Variants in DIP2C observed in about 807,000 individuals in gnomAD.
DIP2C encodes disco-interacting protein 2 homolog C.
DIP2C carries 33 observed loss-of-function variants against 192.4 expected under a neutral mutation model. That is an observed-to-expected ratio of 0.17 (90% CI 0.13 to 0.23). The LOEUF is 0.23. Among genes scored for constraint, DIP2C ranks in the 10% least tolerant of loss-of-function variants. The pLI, the probability that DIP2C is intolerant of heterozygous loss-of-function variation, is 1.00. For missense variants in DIP2C, 1,537 were observed against 2,110.1 expected, an observed-to-expected ratio of 0.73 and a Z score of 5.32; for synonymous variants, 979 against 864.1, an observed-to-expected ratio of 1.13 and a Z score of -2.33.
chr10:623,842 A>G (rs1854031944), intron 1 of DIP2C, among the ~76,000 whole-genome samples: 1 of 152,164 alleles, frequency 6.6e-6, no homozygotes, highest in Non-Finnish European at 1.5e-5. Context: ...CCATGCCCCT[A>G]TGAATGCTGC....
At chr10:405,764 A>G (rs986594207) in intron 9 of DIP2C, among the ~76,000 whole-genome samples, 7 of 152,160 alleles carry the variant, frequency 4.6e-5, no homozygotes, top group Non-Finnish European at 8.8e-5. Context: ...GGAGACGCAC[A>G]CTCAACTCTT....
rs138721286 is a variant in DIP2C, at chr10:673,348, C to A, written c.85+16146G>T. Among the ~76,000 whole-genome samples the A allele has an allele frequency of 1.8e-3, 272 of 152,314 alleles. 1 individual carries two copies. Among genetic ancestry groups the A allele is most frequent in the Middle Eastern group, 3.4e-3 (1 of 294 alleles). ...CTGTACAAAGAGAGCAATGCTGTCT[C>A]CTGGGAAAGCATTTCAGAAGGACGA... On this transcript the variant is annotated intron_variant, in intron 1 of 36. Transcript: ENST00000280886.
chr10:485,890 G>T lies in DIP2C; in HGVS notation c.157+569C>A, dbSNP rs375023052. 1.0e-3 allele frequency among the ~76,000 whole-genome samples: 152 copies of T among 152,330 alleles called. 1 individual carries two copies. Among genetic ancestry groups the T allele is most frequent in the African/African-American group, 3.4e-3 (143 of 41,570 alleles). ...GTGCTAGAATCCCCATCTAATATGA[G>T]ATTCTTTTTCCTGACATTTACAGAA... On this transcript the variant is annotated intron_variant, in intron 2 of 36. Coordinates refer to ENST00000280886, the MANE Select transcript of DIP2C (RefSeq NM_014974.3).
At chr10:344,070 A>G (rs1564586691) in intron 28 of DIP2C, among the ~76,000 whole-genome samples, 1 of 152,166 alleles carries the variant, frequency 6.6e-6, no homozygotes, top group Non-Finnish European at 1.5e-5. Flanking sequence ...GGTCTACTCT[A>G]CGTCAGACGC....
At chr10:344,722 A>G (rs1429812582) in intron 28 of DIP2C, 87 bp downstream of exon 28, 3 of 1,080,598 alleles carry the variant, frequency 2.8e-6, no homozygotes, top group African/African-American at 3.1e-5. Context: ...ACTACACGAG[A>G]GGCGCTGAGA....
rs147453996 is a variant in DIP2C at position 326,994 on chromosome 10, G to A, written c.3924+12C>T. ...ACTTCCCACTCAGCACTGTGATGTC[G>A]CCGAATCTCACCTGCAAGCAAATCG... On this transcript the variant is annotated intron_variant, in intron 31 of 36. Coordinates refer to ENST00000280886, the MANE Select transcript of DIP2C (RefSeq NM_014974.3). 774 of 1,606,558 alleles carry A rather than the reference G, an allele frequency of 4.8e-4. 5 individuals carry two copies. In the African/African-American group the frequency reaches 9.0e-3, roughly 19 times the overall value.
chr10:617,042 A>C (rs912786352), intron 1 of DIP2C, among the ~76,000 whole-genome samples: 5 of 152,182 alleles, frequency 3.3e-5, no homozygotes, highest in African/African-American at 9.7e-5. Flanking sequence ...CACATGGCTA[A>C]GGGCCAAGGT....
rs1385250590 is a variant in DIP2C, at chr10:652,055, A to G, written c.85+37439T>C. 3.1e-5 allele frequency: 5 copies of G among 158,880 alleles called. No individual in the cohort carries two copies. The highest frequency in any genetic ancestry group is 3.1e-4 in the Admixed American group (5 of 16,196). 9.8% of individuals were successfully genotyped at this position (158,880 alleles called of 1,614,324 possible). A position where few individuals can be genotyped will look rare whatever the true frequency, so the allele number is the denominator to read the frequency against. ...TGAGTTTGGTTGAAAAAATTCACAT[A>G]TAAGTTGACCCACAAAGCTCAAGCT... On this transcript the variant is annotated intron_variant, in intron 1 of 36. Coordinates refer to ENST00000280886, the MANE Select transcript of DIP2C (RefSeq NM_014974.3). This position sits in a 1 kb window ranked among gnomAD's most constrained non-coding sequence, Gnocchi z 4.5.
At chr10:601,497 T>C (rs1201027605) in intron 1 of DIP2C, among the ~76,000 whole-genome samples, 1 of 152,218 alleles carries the variant, frequency 6.6e-6, no homozygotes, top group Non-Finnish European at 1.5e-5. Context: ...ATTTCAATTC[T>C]ACCTGAAGCT....
intron 1 of DIP2C, among the ~76,000 whole-genome samples, chr10:501,765 G>A (rs116855127): frequency 1.2e-3 from 182 of 152,196 alleles, no homozygotes; most frequent in Non-Finnish European, 1.8e-3. Context: ...AGGAATATGC[G>A]TTACACACCG....
chr10:329,601 A>G lies in DIP2C; in HGVS notation c.3585T>C (p.Ser1195=). The G allele has an allele frequency of 6.2e-7, 1 of 1,613,694 alleles. No individual in the cohort carries two copies. Among genetic ancestry groups the G allele is most frequent in the Non-Finnish European group, 8.5e-7 (1 of 1,179,818 alleles). Residue 1195 remains serine, a splice_region_variant and synonymous_variant, in exon 30 of 37, where the codon AGT becomes AGC. Transcript: ENST00000280886. ...GLGFVLWCLC[S]VYSGHQSILI... is the part of the protein sequence containing the mutation. ...GGATGGACTGGTGCCCAGAATACAC[A>G]CTGCAGAGAAAGAAGAGGCTGTCAG...
chr10:355,973 C>T (rs1029575998), intron 24 of DIP2C, among the ~76,000 whole-genome samples: 5 of 152,070 alleles, frequency 3.3e-5, no homozygotes, highest in African/African-American at 9.7e-5. Flanking sequence ...CCCAGCTACC[C>T]GGAGGCTGAT....
At chr10:640,214 G>A (rs893325784) in intron 1 of DIP2C, among the ~76,000 whole-genome samples, 3 of 152,184 alleles carry the variant, frequency 2.0e-5, no homozygotes, top group African/African-American at 7.2e-5. Flanking sequence ...CACGGCTGGC[G>A]GGGCTCCCGG....
At chr10:518,179 C>T (rs935291170) in intron 1 of DIP2C, among the ~76,000 whole-genome samples, 1 of 152,250 alleles carries the variant, frequency 6.6e-6, no homozygotes, top group African/African-American at 2.4e-5. Context: ...GCTGACCACC[C>T]CAAGGTCATG....
At chr10:385,107 G>A (rs1962775841) in intron 14 of DIP2C, among the ~76,000 whole-genome samples, 1 of 152,000 alleles carries the variant, frequency 6.6e-6, no homozygotes, top group Admixed American at 6.5e-5. Context: ...GGGCTGGGAG[G>A]AGAAGCAGCT....
intron 10 of DIP2C, among the ~76,000 whole-genome samples, chr10:395,716 G>A (rs1007564959): frequency 6.6e-6 from 1 of 152,232 alleles, no homozygotes; most frequent in African/African-American, 2.4e-5. Flanking sequence ...TTTCTTCTGA[G>A]AGGGGTTTTG....
intron 2 of DIP2C, among the ~76,000 whole-genome samples, chr10:476,390 T>C (rs563675490): frequency 3.9e-5 from 6 of 152,238 alleles, no homozygotes; most frequent in Non-Finnish European, 5.9e-5. Context: ...CTAGGCAAGT[T>C]TGTGAACTTT....
chr10:371,411 C>A (rs1960938463), intron 17 of DIP2C, among the ~76,000 whole-genome samples: 1 of 152,170 alleles, frequency 6.6e-6, no homozygotes, highest in Admixed American at 6.5e-5. Context: ...TGAAGTTGAG[C>A]CACCGTAAGC....
At chr10:526,037 T>C (rs1847031087) in intron 1 of DIP2C, among the ~76,000 whole-genome samples, 1 of 152,230 alleles carries the variant, frequency 6.6e-6, no homozygotes, top group South Asian at 2.1e-4. Flanking sequence ...TTTTCCTTAA[T>C]TGCCGATGCT....
Sources: gnomAD v4.1 joint callset for allele counts (sites outside exome capture counted in the v4.1 genomes callset) on GRCh38, gnomAD v4.1.1 for gene constraint, Gnocchi (gnomAD v3.1) non-coding constraint, MANE v1.5 for transcripts, NCBI Gene and HGNC (gene_info 2026-07-23, HGNC 2026-07-21) for gene names.